Variants in UNC13C observed in about 807,000 individuals in gnomAD.
UNC13C encodes the protein protein unc-13 homolog C.
UNC13C carries 174 observed loss-of-function variants against 245.4 expected under a neutral mutation model. That is an observed-to-expected ratio of 0.71 (90% confidence interval 0.63 to 0.80). The LOEUF is 0.80. Among genes scored for constraint, UNC13C ranks in the 30% least tolerant of loss-of-function variants. UNC13C has a pLI of 0.00. For missense variants in UNC13C, 2,829 were observed against 2,602.9 expected, an observed-to-expected ratio of 1.09 and a Z score of -1.89; for synonymous variants, 992 against 895.1, an observed-to-expected ratio of 1.11 and a Z score of -1.93.
chr15:53,931,110 C>G, the UNC13C span, among the ~76,000 whole-genome samples: 3 of 152,092 alleles, frequency 2.0e-5, no homozygotes, highest in Admixed American at 2.0e-4. Flanking sequence ...GATGAGCTTA[C>G]CATCTCAGAC....
chr15:54,180,713 T>C (rs748049526), intron 4 of UNC13C, among the ~76,000 whole-genome samples: 2 of 152,034 alleles, frequency 1.3e-5, no homozygotes, highest in South Asian at 4.1e-4. Flanking sequence ...TGGTATCTCA[T>C]TGTAGTTTTG....
the UNC13C span, among the ~76,000 whole-genome samples, chr15:53,951,152 C>T: frequency 6.6e-6 from 1 of 152,160 alleles, no homozygotes; most frequent in South Asian, 2.1e-4. Context: ...ATGTCTGCAA[C>T]AAGTGTGAAA....
chr15:53,865,839 G>A, the UNC13C span, among the ~76,000 whole-genome samples: 1 of 151,434 alleles, frequency 6.6e-6, no homozygotes, highest in Non-Finnish European at 1.5e-5. Context: ...ATAAAAATTG[G>A]CTCCAGTTAA....
At chr15:54,311,367 A>G (rs2037868261) in intron 13 of UNC13C, among the ~76,000 whole-genome samples, 1 of 151,814 alleles carries the variant, frequency 6.6e-6, no homozygotes, top group East Asian at 1.9e-4. Flanking sequence ...TGTATTACTC[A>G]TATTTAAATT....
intron 13 of UNC13C, among the ~76,000 whole-genome samples, chr15:54,312,668 G>C (rs2037905812): frequency 6.6e-6 from 1 of 151,718 alleles, no homozygotes; most frequent in Non-Finnish European, 1.5e-5. Flanking sequence ...AATGGATATA[G>C]AGTGAGAAGG....
chr15:53,953,114 A>G, the UNC13C span, among the ~76,000 whole-genome samples: 1 of 152,222 alleles, frequency 6.6e-6, no homozygotes, highest in Admixed American at 6.5e-5. Context: ...TTTTTATATC[A>G]TGCTTCAGAC....
In UNC13C at chr15:54,626,933, G is replaced by C. The variant is rs764663814; in HGVS notation, c.6465G>C (p.Gln2155His). 6.2e-7 allele frequency: 1 copy of C among 1,613,444 alleles called. No individual in the cohort carries two copies. The change falls in exon 33 of 33, where the codon CAG becomes CAC. Residue 2155 changes from glutamine to histidine, a missense_variant. Gln to His is a conservative substitution (Grantham distance 24). Transcript: ENST00000260323. ...EDRIIGMTVIQLQNIAEKGSY... is the reference protein window; with the variant it reads ...EDRIIGMTVIHLQNIAEKGSY... ...GAATTATCGGAATGACAGTCATTCA[G>C]CTACAGAACATAGCAGAAAAGGGAA...
chr15:54,108,094 G>T (rs910877419), intron 2 of UNC13C, among the ~76,000 whole-genome samples: 1 of 152,116 alleles, frequency 6.6e-6, no homozygotes, highest in Non-Finnish European at 1.5e-5. Context: ...ATTCTGTTTC[G>T]CAGGAATCAA....
chr15:53,863,950 T>C, the UNC13C span, among the ~76,000 whole-genome samples: 7 of 152,180 alleles, frequency 4.6e-5, no homozygotes. Context: ...CTCACCACTT[T>C]GTTAAGACAA....
chr15:54,244,741 T>C (rs80260906), intron 7 of UNC13C, among the ~76,000 whole-genome samples: 16 of 152,292 alleles, frequency 1.1e-4, no homozygotes, highest in African/African-American at 3.8e-4. Flanking sequence ...CAATTGTGAA[T>C]GGGAGTCTGT....
Position 54,300,124 on chromosome 15 carries a change from C to T in UNC13C, c.4105-86C>T, listed in dbSNP as rs535005683. 2.2e-4 allele frequency: 283 copies of T among 1,295,060 alleles called. 1 individual carries two copies. The African/African-American group carries it at 3.7e-3, about 17-fold the overall frequency. The allele number at this position is 1,295,060 out of a possible 1,614,324, so 80.2% of individuals were successfully genotyped here. A position where few individuals can be genotyped will look rare whatever the true frequency, so the allele number is the denominator to read the frequency against. ...TGAAACATTAGAGGCAATGACAGTG[C>T]AAGAGCATTTTACTGGAAGTTTTAG... On this transcript the variant is annotated intron_variant, in intron 12 of 32. Coordinates refer to ENST00000260323, the MANE Select transcript of UNC13C (RefSeq NM_001080534.3).
chr15:54,123,179 T>G (rs569357348), intron 2 of UNC13C, among the ~76,000 whole-genome samples: 4 of 152,048 alleles, frequency 2.6e-5, no homozygotes, highest in Admixed American at 2.0e-4. Context: ...TCAAATTTCA[T>G]TACCCCAAGA....
At chr15:53,863,114 A>G in the UNC13C span, among the ~76,000 whole-genome samples, 3 of 152,224 alleles carry the variant, frequency 2.0e-5, no homozygotes, top group Admixed American at 6.5e-5. Flanking sequence ...TCAAAATACA[A>G]TGGTGGACAG....
intron 8 of UNC13C, among the ~76,000 whole-genome samples, chr15:54,252,541 G>C (rs1255347780): frequency 6.6e-6 from 1 of 152,010 alleles, no homozygotes; most frequent in East Asian, 1.9e-4. Context: ...GGTCCTACAA[G>C]TATGTATACT....
At chr15:54,585,334 C>T (rs551008639) in intron 30 of UNC13C, among the ~76,000 whole-genome samples, 48 of 152,208 alleles carry the variant, frequency 3.2e-4, no homozygotes, top group African/African-American at 1.1e-3. Flanking sequence ...CCGTGTCTCT[C>T]TTGCTTCCTC....
intron 2 of UNC13C, among the ~76,000 whole-genome samples, chr15:54,051,494 A>G (rs1053231134): frequency 1.3e-5 from 2 of 152,062 alleles, no homozygotes; most frequent in Non-Finnish European, 2.9e-5. Context: ...TCAATGTACT[A>G]TATCACAGTC....
intron 26 of UNC13C, among the ~76,000 whole-genome samples, chr15:54,535,028 C>T (rs1045828527): frequency 5.3e-5 from 8 of 152,006 alleles, no homozygotes; most frequent in East Asian, 1.9e-4. Flanking sequence ...CAGCTAAAGA[C>T]GCAACAACAG....
chr15:54,172,570 C>G (rs1177977107), intron 4 of UNC13C, among the ~76,000 whole-genome samples: 1 of 150,674 alleles, frequency 6.6e-6, no homozygotes, highest in Non-Finnish European at 1.5e-5. Context: ...GTTATCAGTC[C>G]TCTGCTGAAA....
the UNC13C span, among the ~76,000 whole-genome samples, chr15:53,871,858 G>T: frequency 2.0e-5 from 3 of 152,204 alleles, no homozygotes; most frequent in Non-Finnish European, 4.4e-5. Flanking sequence ...TATTGTGGAA[G>T]TGGGTGCTTG....
Sources: gnomAD v4.1 joint callset for allele counts (sites outside exome capture counted in the v4.1 genomes callset) on GRCh38, gnomAD v4.1.1 for gene constraint, MANE v1.5 for transcripts, NCBI Gene and HGNC (gene_info 2026-07-23, HGNC 2026-07-21) for gene names.